CEP85L: variants seen among roughly 807,000 people sequenced by gnomAD.
CEP85L encodes centrosomal protein of 85 kDa-like.
CEP85L carries 60 observed loss-of-function variants against 100.3 expected under a neutral mutation model. The observed-to-expected ratio is 0.60, with a 90% CI of 0.49 to 0.74. CEP85L has a LOEUF of 0.74. CEP85L is among the 30% of genes least tolerant of loss of function. CEP85L has a pLI of 0.00. For missense variants in CEP85L, 973 were observed against 936.2 expected (o/e 1.04, Z -0.51); for synonymous variants, 319 against 322.7 (o/e 0.99, Z 0.12).
chr6:118,572,304 C>G (rs1049839131), intron 2 of CEP85L, among the ~76,000 whole-genome samples: 9 of 140,252 alleles, frequency 6.4e-5, no homozygotes, highest in Non-Finnish European at 1.2e-4. Context: ...AGGTGTATTC[C>G]TAGCACTTTG....
At chr6:118,636,124 C>T (rs939141072) in intron 1 of CEP85L, among the ~76,000 whole-genome samples, 2 of 152,174 alleles carry the variant, frequency 1.3e-5, no homozygotes, top group African/African-American at 2.4e-5. Context: ...TGTAATAAAA[C>T]TTTATTTACA....
At chr6:118,495,242 T>C (rs1224711762) in intron 5 of CEP85L, among the ~76,000 whole-genome samples, 3 of 152,020 alleles carry the variant, frequency 2.0e-5, no homozygotes, top group Admixed American at 6.6e-5. Flanking sequence ...GAAGGCATGA[T>C]TGTGTTTTAA....
rs1772363802 is a variant in CEP85L at position 118,464,104 on chromosome 6, T to G, written c.*1301A>C. ...GGTTGCATCACAAGATCAAACCAAC[T>G]TACAAAGGACAAGGCTTTCGCCAAA... On this transcript the variant is annotated 3_prime_UTR_variant, in exon 13 of 13. Transcript: ENST00000368491. 1 of 152,174 alleles carries G rather than the reference T, an allele frequency of 6.6e-6. No individual in the cohort carries two copies. Among genetic ancestry groups the G allele is most frequent in the South Asian group, 2.1e-4 (1 of 4,830 alleles). 9.4% of individuals were successfully genotyped at this position (152,174 alleles called of 1,614,324 possible).
chr6:118,700,888 G>A (rs1777382973), intron 1 of CEP85L, among the ~76,000 whole-genome samples: 1 of 152,178 alleles, frequency 6.6e-6, no homozygotes, highest in Non-Finnish European at 1.5e-5. Context: ...GAGGCAAGGT[G>A]GGCTTCAGCA....
chr6:118,483,291 G>A (rs906180219), intron 7 of CEP85L, among the ~76,000 whole-genome samples: 2 of 134,304 alleles, frequency 1.5e-5, no homozygotes, highest in South Asian at 2.4e-4. Flanking sequence ...ATAGGTCAAG[G>A]TATAAGAAAA....
At chr6:118,682,185 G>C (rs1251637112) in intron 1 of CEP85L, among the ~76,000 whole-genome samples, 1 of 151,976 alleles carries the variant, frequency 6.6e-6, no homozygotes, top group African/African-American at 2.4e-5. Flanking sequence ...TCATTATACT[G>C]TTTTAACATA....
At chr6:118,633,478 G>A (rs576765047) in intron 1 of CEP85L, among the ~76,000 whole-genome samples, 12 of 152,202 alleles carry the variant, frequency 7.9e-5, no homozygotes, top group African/African-American at 2.9e-4. Flanking sequence ...TGCTGGGATT[G>A]CAGGTGTGAG....
At chr6:118,506,062 T>C (rs1582934511) in intron 5 of CEP85L, among the ~76,000 whole-genome samples, 2 of 152,164 alleles carry the variant, frequency 1.3e-5, no homozygotes, top group Non-Finnish European at 2.9e-5. Flanking sequence ...AAAAGTAAAG[T>C]TAATAAATTT....
At chr6:118,477,806 A>AT (rs1441199151) in intron 10 of CEP85L, among the ~76,000 whole-genome samples, 1 of 152,146 alleles carries the variant, frequency 6.6e-6, no homozygotes, top group Non-Finnish European at 1.5e-5. Context: ...CGTCAGTGAG[A>AT]TTTTACATAA....
At chr6:118,483,398 T>C (rs1416184961) in intron 7 of CEP85L, among the ~76,000 whole-genome samples, 2 of 152,078 alleles carry the variant, frequency 1.3e-5, no homozygotes, top group Non-Finnish European at 2.9e-5. Flanking sequence ...AGAGACTGTG[T>C]TGGAAAGCAC....
intron 2 of CEP85L, among the ~76,000 whole-genome samples, chr6:118,600,025 A>G (rs1002231533): frequency 3.9e-5 from 6 of 152,162 alleles, no homozygotes; most frequent in East Asian, 1.9e-4. Flanking sequence ...AAATTCTAAT[A>G]AAGTCTATGG....
Position 118,632,525 on chromosome 6 carries a change from T to TA in CEP85L, c.159dup (p.Ile54TyrfsTer9). Reference sequence around the variant, plus strand: ...TCAGAAGCTATACTGTGTCTCCTGATATGGTTATTTCGATGGTTAGATGGA... The same window carrying TA: ...TCAGAAGCTATACTGTGTCTCCTGATAATGGTTATTTCGATGGTTAGATGGA... On this transcript the variant is annotated frameshift_variant, in exon 2 of 13. Transcript: ENST00000368491. LOFTEE classifies it high-confidence loss of function. 6.2e-7 allele frequency: 1 copy of TA among 1,613,276 alleles called. No homozygotes were observed.
intron 5 of CEP85L, 49 bp downstream of exon 5, chr6:118,511,249 A>T: frequency 9.0e-7 from 1 of 1,107,784 alleles, no homozygotes; most frequent in Non-Finnish European, 1.4e-6. Flanking sequence ...GTATATTATT[A>T]ACACAAGCTT....
At chr6:118,524,148 C>A (rs1488596011) in intron 3 of CEP85L, among the ~76,000 whole-genome samples, 1 of 152,080 alleles carries the variant, frequency 6.6e-6, no homozygotes, top group African/African-American at 2.4e-5. Flanking sequence ...GAACGTTTAT[C>A]CTGGCAAATT....
intron 1 of CEP85L, among the ~76,000 whole-genome samples, chr6:118,674,472 C>T (rs1776416762): frequency 1.3e-5 from 2 of 150,784 alleles, no homozygotes; most frequent in Non-Finnish European, 2.9e-5. Flanking sequence ...TGTAGTGAGC[C>T]GAGATTGCGC....
chr6:118,695,504 G>A (rs1562363639), intron 1 of CEP85L, among the ~76,000 whole-genome samples: 1 of 152,196 alleles, frequency 6.6e-6, no homozygotes, highest in African/African-American at 2.4e-5. Context: ...CCCACTCCAA[G>A]ACTTCCCAAT....
rs759257709 is a variant in CEP85L at position 118,480,393 on chromosome 6, G to C, written c.1863+3C>G. ...ACGTTTATGATCTAAGGTATCTACT[G>C]ACCTTACTAGCAGTCTCATTTTGTT... On this transcript the variant is annotated splice_donor_region_variant and intron_variant, in intron 9 of 12. Transcript: ENST00000368491. 2 of 1,537,410 alleles carry C rather than the reference G, an allele frequency of 1.3e-6. No homozygotes were observed. Among genetic ancestry groups the C allele is most frequent in the Non-Finnish European group, 9.0e-7 (1 of 1,111,814 alleles).
chr6:118,514,670 T>C (rs1026348070), intron 4 of CEP85L, among the ~76,000 whole-genome samples: 2 of 152,058 alleles, frequency 1.3e-5, no homozygotes, highest in Non-Finnish European at 2.9e-5. Context: ...GACCTAACTA[T>C]ATACTATCTA....
At chr6:118,592,397 AT>A (rs1781242712) in intron 2 of CEP85L, among the ~76,000 whole-genome samples, 1 of 151,316 alleles carries the variant, frequency 6.6e-6, no homozygotes, top group South Asian at 2.1e-4. Flanking sequence ...GGACTCCATA[AT>A]AAAAGAATTT....
Sources: allele counts gnomAD v4.1 joint callset (sites outside exome capture counted in the v4.1 genomes callset), GRCh38; gene constraint gnomAD v4.1.1; transcripts MANE v1.5; gene names NCBI Gene and HGNC (gene_info 2026-07-23, HGNC 2026-07-21).